Variants in MTMR9 observed in about 807,000 individuals in gnomAD.
MTMR9 encodes myotubularin related protein 9, also known as myotubularin-related protein 9.
MTMR9 carries 39 observed loss-of-function variants against 69.5 expected under a neutral mutation model. The observed-to-expected ratio is 0.56, with a 90% CI of 0.43 to 0.73. The LOEUF is 0.73. Among genes scored for constraint, MTMR9 ranks in the 30% least tolerant of loss-of-function variants. The pLI, the probability that MTMR9 is intolerant of heterozygous loss-of-function variation, is 0.00. For synonymous variants in MTMR9, 354 were observed against 240.8 expected (o/e 1.47, Z -4.35); for missense variants, 900 against 671.2 (o/e 1.34, Z -3.77).
chr8:11,290,343 C>T (rs565138024), intron 1 of MTMR9, among the ~76,000 whole-genome samples: 1 of 151,860 alleles, frequency 6.6e-6, no homozygotes, highest in South Asian at 2.1e-4. Flanking sequence ...GCATGGGTAC[C>T]TTGTATACTC....
At chr8:11,309,933 A>G (rs570651674) in intron 6 of MTMR9, among the ~76,000 whole-genome samples, 3 of 152,018 alleles carry the variant, frequency 2.0e-5, no homozygotes, top group East Asian at 3.9e-4. Flanking sequence ...TTAAGTACTA[A>G]TGGACCCGTT....
chr8:11,310,743 T>C (rs901189019), intron 6 of MTMR9, among the ~76,000 whole-genome samples: 1 of 152,184 alleles, frequency 6.6e-6, no homozygotes, highest in African/African-American at 2.4e-5. Context: ...GATTTCTCCT[T>C]ACATTATGAG....
At chr8:11,308,886 C>T (rs1199510486) in intron 5 of MTMR9, among the ~76,000 whole-genome samples, 1 of 152,168 alleles carries the variant, frequency 6.6e-6, no homozygotes, top group African/African-American at 2.4e-5. Flanking sequence ...CTAAGCCAAC[C>T]CTGTGGTCTC....
At chr8:11,303,887 T>A (rs1233057843) in intron 3 of MTMR9, among the ~76,000 whole-genome samples, 1 of 152,168 alleles carries the variant, frequency 6.6e-6, no homozygotes, top group Non-Finnish European at 1.5e-5. Context: ...AGTGAAAAAA[T>A]TTAATTAAAA....
In MTMR9 at chr8:11,309,577, A is replaced by T. The variant is rs779725761; in HGVS notation, c.860A>T (p.Asp287Val). The T allele has an allele frequency of 1.2e-6, 2 of 1,613,930 alleles. No individual in the cohort carries two copies. The highest frequency in any genetic ancestry group is 2.2e-5 in the South Asian group (2 of 91,070). ...ATCAAACTTGTGGAAGCTTGTAATG[A>T]CCAAACACATAACATGGACCGATGG... Reference protein sequence around the residue: ...SLIKLVEACNDQTHNMDRWLS... With the variant: ...SLIKLVEACNVQTHNMDRWLS... Residue 287 changes from aspartate (D) to valine (V), a missense_variant, in exon 6 of 10, where the codon GAC becomes GTC. By Grantham distance (152) the Asp-to-Val change is radical. Coordinates refer to ENST00000221086, the MANE Select transcript of MTMR9 (RefSeq NM_015458.4).
At chr8:11,331,145 C>T, downstream of MTMR9, 3 of 1,610,506 alleles carry the variant, frequency 1.9e-6, no homozygotes, top group Non-Finnish European at 2.5e-6. Flanking sequence ...TGCCTGACTC[C>T]ACACACCCAT....
downstream of MTMR9, among the ~76,000 whole-genome samples, chr8:11,332,483 T>C (rs1313468971): frequency 6.6e-6 from 1 of 151,936 alleles, no homozygotes; most frequent in Non-Finnish European, 1.5e-5. Context: ...AATGAGAATA[T>C]CAATAAAAAT....
rs528901328 is a variant in MTMR9 at position 11,314,641 on chromosome 8, G to T, written c.972-282G>T. On this transcript the variant is annotated intron_variant, in intron 6 of 9. Transcript: ENST00000221086. ...AAGGGAAAGAAAAATTCAGCTAAAAGGTTCTGTGAAATTTGTTATAACTTA... is the reference window on the plus strand; with the variant it reads ...AAGGGAAAGAAAAATTCAGCTAAAATGTTCTGTGAAATTTGTTATAACTTA... Among the ~76,000 whole-genome samples, 29 of 152,270 alleles carry T rather than the reference G, an allele frequency of 1.9e-4. 2 individuals carry two copies. The South Asian group carries it at 4.8e-3, about 25-fold the overall frequency.
At chr8:11,314,856 T>C in intron 6 of MTMR9, 67 bp from the exon 7 acceptor site, 5 of 1,507,934 alleles carry the variant, frequency 3.3e-6, no homozygotes, top group Non-Finnish European at 4.6e-6. Flanking sequence ...AAACGCTTGT[T>C]ATTAACAGAG....
At chr8:11,335,140 C>G in the MTMR9 span, among the ~76,000 whole-genome samples, 9 of 152,232 alleles carry the variant, frequency 5.9e-5, no homozygotes, top group Middle Eastern at 3.4e-3. Context: ...ACTCTTTGTT[C>G]ACAGATGATA....
chr8:11,285,123 C>G (rs1426372250), intron 1 of MTMR9, 53 bp downstream of exon 1: 2 of 1,455,604 alleles, frequency 1.4e-6, no homozygotes, highest in African/African-American at 1.5e-5. Context: ...CCCTTGTGGG[C>G]GCCCCGGGAA....
the MTMR9 span, among the ~76,000 whole-genome samples, chr8:11,333,826 A>G: frequency 6.0e-5 from 9 of 151,112 alleles, 1 homozygote; most frequent in Non-Finnish European, 1.2e-4. Context: ...TCTGGTTGCT[A>G]TGGTTTGAAT....
intron 4 of MTMR9, 69 bp from the exon 5 acceptor site, chr8:11,306,121 A>C: frequency 7.5e-7 from 1 of 1,336,476 alleles, no homozygotes; most frequent in Non-Finnish European, 1.1e-6. Context: ...TAATCTAGCT[A>C]ATTTCTTTCT....
In MTMR9 at chr8:11,299,900, T is replaced by C. The variant is rs370651428; in HGVS notation, c.292-123T>C. On this transcript the variant is annotated intron_variant, in intron 2 of 9. Coordinates refer to ENST00000221086, the MANE Select transcript of MTMR9 (RefSeq NM_015458.4). ...TTGTATCTGGTGATAAACACAATGTTAGAGAAACATTCTGGGTGCCCATCA... is the reference window on the plus strand; with the variant it reads ...TTGTATCTGGTGATAAACACAATGTCAGAGAAACATTCTGGGTGCCCATCA... 3.4e-6 allele frequency: 4 copies of C among 1,164,810 alleles called. No individual in the cohort carries two copies. The African/African-American group carries it at 6.2e-5, about 18-fold the overall frequency. The allele number at this position is 1,164,810 out of a possible 1,614,324, so 72.2% of individuals were successfully genotyped here.
intron 6 of MTMR9, among the ~76,000 whole-genome samples, chr8:11,311,156 A>G (rs1371561665): frequency 6.6e-6 from 1 of 152,192 alleles, no homozygotes; most frequent in Non-Finnish European, 1.5e-5. Flanking sequence ...CTTAAAGTAC[A>G]TGCTCATCCC....
In MTMR9 at chr8:11,311,689, G is replaced by C. The variant is rs146694698; in HGVS notation, c.971+2001G>C. Among the ~76,000 whole-genome samples, 550 of 152,286 alleles carry C rather than the reference G, an allele frequency of 3.6e-3. 2 individuals are homozygous for C. The highest frequency in any genetic ancestry group is 0.013 in the African/African-American group (524 of 41,554). ...GTAGTTACTGAAGCTTTGAATGGCT[G>C]TGGCAATTTCTTAGACAAGACAGCA... On this transcript the variant is annotated intron_variant, in intron 6 of 9. Transcript: ENST00000221086.
chr8:11,289,242 G>C (rs149330361), intron 1 of MTMR9, among the ~76,000 whole-genome samples: 5 of 152,310 alleles, frequency 3.3e-5, no homozygotes, highest in African/African-American at 1.2e-4. Context: ...ATGTGTTTTT[G>C]AAAGTGGAGC....
At chr8:11,308,090 AGGTCATAT>A (rs752429400) in intron 5 of MTMR9, among the ~76,000 whole-genome samples, 5 of 152,270 alleles carry the variant, frequency 3.3e-5, no homozygotes, top group Admixed American at 6.5e-5. Flanking sequence ...TCTGCTTTTG[AGGTCATAT>A]CCAAAATAAC....
In MTMR9 at chr8:11,294,036, CATATGAATTTTA is replaced by C. The variant is rs564204611; in HGVS notation, c.183-1157_183-1146del. Among the ~76,000 whole-genome samples the C allele has an allele frequency of 3.7e-3, 562 of 152,256 alleles. 3 individuals carry two copies. Among genetic ancestry groups the C allele is most frequent in the Non-Finnish European group, 5.7e-3 (387 of 68,014 alleles). ...GGCTATTTGAAGACATTTGCATTTC[CATATGAATTTTA>C]GAATCACCTTTTCAGTTTCTACATT... is the stretch of plus-strand genomic sequence containing the variant. On this transcript the variant is annotated intron_variant, in intron 1 of 9. Transcript: ENST00000221086.
Sources: gnomAD v4.1 joint callset for allele counts (sites outside exome capture counted in the v4.1 genomes callset) on GRCh38, gnomAD v4.1.1 for gene constraint, MANE v1.5 for transcripts, NCBI Gene and HGNC (gene_info 2026-07-23, HGNC 2026-07-21) for gene names.